Variants in LHFPL3 observed in about 807,000 individuals in gnomAD.
LHFPL3 encodes LHFPL tetraspan subfamily member 3 protein.
LHFPL3 carries 5 observed loss-of-function variants against 19.3 expected under a neutral mutation model. The ratio of observed to expected loss-of-function variants is 0.26; its 90% CI spans 0.14 to 0.54. The LOEUF (loss-of-function observed/expected upper bound fraction) is 0.54. Among genes scored for constraint, LHFPL3 ranks in the 20% least tolerant of loss-of-function variants. The pLI, the probability that LHFPL3 is intolerant of heterozygous loss-of-function variation, is 0.94. For synonymous variants in LHFPL3, 133 were observed against 126.2 expected (o/e 1.05, Z -0.36); for missense variants, 249 against 307.4 (o/e 0.81, Z 1.42).
At chr7:104,659,096 A>G (rs1469885933) in intron 1 of LHFPL3, among the ~76,000 whole-genome samples, 2 of 152,168 alleles carry the variant, frequency 1.3e-5, no homozygotes, top group African/African-American at 4.8e-5. Flanking sequence ...TTTGCATGTG[A>G]CCTTCCCACG....
chr7:104,492,917 T>G (rs1428142605), intron 1 of LHFPL3, among the ~76,000 whole-genome samples: 3 of 152,172 alleles, frequency 2.0e-5, no homozygotes, highest in Admixed American at 2.0e-4. Context: ...CATCTCTTCT[T>G]TTCCACTAGA....
At chr7:104,565,172 TA>T (rs1790095014) in intron 1 of LHFPL3, among the ~76,000 whole-genome samples, 1 of 152,236 alleles carries the variant, frequency 6.6e-6, no homozygotes, top group Admixed American at 6.5e-5. Flanking sequence ...TGAAATCACC[TA>T]AGCATTCAAA....
rs554408288 is a variant in LHFPL3 at position 104,425,580 on chromosome 7, A to G, written c.445+96356A>G. Reference sequence around the variant, plus strand: ...AATTTTCACAAGGGGAAAAAGAGGGACAAGAAATGAAAGCAAAAGGGAAAA... The same window carrying G: ...AATTTTCACAAGGGGAAAAAGAGGGGCAAGAAATGAAAGCAAAAGGGAAAA... On this transcript the variant is annotated intron_variant, in intron 1 of 2. Transcript: ENST00000424859. Among the ~76,000 whole-genome samples the G allele has an allele frequency of 2.0e-5, 3 of 152,328 alleles. No individual in the cohort carries two copies. In the South Asian group the frequency reaches 6.2e-4, roughly 32 times the overall value.
At chr7:104,730,585 T>C (rs181457138) in intron 1 of LHFPL3, among the ~76,000 whole-genome samples, 2,151 of 138,032 alleles carry the variant, frequency 0.016, 29 homozygotes, top group South Asian at 0.026. Flanking sequence ...CACTTTTTGA[T>C]GGGGTTGTTT....
rs142514412 is a variant in LHFPL3, at chr7:104,740,199, A to G, written c.682+3288A>G. ...CCTGAGGCCTCCCCAGCAATGTGGA[A>G]CTGTGAGTCAATTAAACCTCTTTCC... On this transcript the variant is annotated intron_variant, in intron 2 of 2. Transcript: ENST00000424859. Among the ~76,000 whole-genome samples, 1,517 of 152,302 alleles carry G rather than the reference A, an allele frequency of 1.0e-2. 16 individuals are homozygous for G. The highest frequency in any genetic ancestry group is 0.016 in the Non-Finnish European group (1,056 of 68,022).
chr7:104,414,818 A>G (rs879717465), intron 1 of LHFPL3, among the ~76,000 whole-genome samples: 2 of 152,254 alleles, frequency 1.3e-5, no homozygotes, highest in African/African-American at 4.8e-5. Flanking sequence ...TGACTGAAAA[A>G]GAACTTTGAC....
At chr7:104,745,404 A>T (rs1794022297) in intron 2 of LHFPL3, among the ~76,000 whole-genome samples, 1 of 152,258 alleles carries the variant, frequency 6.6e-6, no homozygotes, top group African/African-American at 2.4e-5. Context: ...AGAAAAACAA[A>T]ACTCTTCTTA....
At chr7:104,801,807 T>G (rs1013355990) in intron 2 of LHFPL3, among the ~76,000 whole-genome samples, 1 of 152,144 alleles carries the variant, frequency 6.6e-6, no homozygotes, top group Non-Finnish European at 1.5e-5. Context: ...CCTGACCTCA[T>G]GATCCGCCCA....
chr7:104,702,918 G>T (rs1016595574), intron 1 of LHFPL3, among the ~76,000 whole-genome samples: 3 of 152,082 alleles, frequency 2.0e-5, no homozygotes, highest in Non-Finnish European at 4.4e-5. Context: ...ATCCTGGAAG[G>T]TCCCAGCTGT....
intron 1 of LHFPL3, among the ~76,000 whole-genome samples, chr7:104,488,491 A>G (rs1793278204): frequency 6.6e-6 from 1 of 152,152 alleles, no homozygotes; most frequent in African/African-American, 2.4e-5. Context: ...GGATCCCAGG[A>G]CATATATTTT....
intron 1 of LHFPL3, among the ~76,000 whole-genome samples, chr7:104,507,442 T>C (rs1031726330): frequency 6.5e-5 from 9 of 138,870 alleles, no homozygotes; most frequent in African/African-American, 2.4e-4. Context: ...CCTTACACCT[T>C]ATACAAAACT....
intron 1 of LHFPL3, among the ~76,000 whole-genome samples, chr7:104,727,565 G>A (rs1382824116): frequency 8.5e-5 from 13 of 152,088 alleles, no homozygotes; most frequent in Admixed American, 6.6e-4. Flanking sequence ...AAAGTAACCC[G>A]GACCCTAAGC....
intron 1 of LHFPL3, among the ~76,000 whole-genome samples, chr7:104,411,849 A>G (rs1257018144): frequency 2.0e-5 from 3 of 152,244 alleles, no homozygotes; most frequent in Non-Finnish European, 4.4e-5. Flanking sequence ...AATTTTTGGA[A>G]CTAGTTTTGC....
intron 1 of LHFPL3, among the ~76,000 whole-genome samples, chr7:104,485,735 C>T (rs909863488): frequency 1.3e-5 from 2 of 152,036 alleles, no homozygotes; most frequent in Admixed American, 1.3e-4. Flanking sequence ...TCATCATTTA[C>T]ATTAGGTGTT....
intron 1 of LHFPL3, chr7:104,669,242 A>T (rs1792424522): frequency 6.2e-7 from 1 of 1,613,914 alleles, no homozygotes. Flanking sequence ...TCAGACACAG[A>T]GCAGCAATCC....
At chr7:104,833,056 T>G (rs1242497112) in intron 2 of LHFPL3, among the ~76,000 whole-genome samples, 3 of 60,072 alleles carry the variant, frequency 5.0e-5, no homozygotes, top group African/African-American at 1.7e-4. Flanking sequence ...ATATATATAT[T>G]ATATATAATA....
At chr7:104,810,929 T>C (rs1213514220) in intron 2 of LHFPL3, among the ~76,000 whole-genome samples, 1 of 152,230 alleles carries the variant, frequency 6.6e-6, no homozygotes, top group Non-Finnish European at 1.5e-5. Context: ...ATGGTTGTTG[T>C]CACTGTAGAT....
intron 2 of LHFPL3, chr7:104,785,348 C>G (rs1182384568): frequency 6.6e-6 from 1 of 152,224 alleles, no homozygotes; most frequent in South Asian, 2.1e-4. Context: ...GTTCACTGCT[C>G]TACTTCCGGT....
intron 1 of LHFPL3, among the ~76,000 whole-genome samples, chr7:104,474,896 A>G (rs948948186): frequency 6.6e-6 from 1 of 152,192 alleles, no homozygotes; most frequent in Non-Finnish European, 1.5e-5. Flanking sequence ...TCATGAAAAA[A>G]ATAAAAGCAC....
Sources: allele counts gnomAD v4.1 joint callset (sites outside exome capture counted in the v4.1 genomes callset), GRCh38; gene constraint gnomAD v4.1.1; transcripts MANE v1.5; gene names NCBI Gene and HGNC (gene_info 2026-07-23, HGNC 2026-07-21).